The following KIF23 variants were observed in gnomAD, a reference collection of about 807,000 sequenced individuals.
KIF23 encodes the protein kinesin-like protein KIF23.
KIF23 carries 30 observed loss-of-function variants against 137.5 expected under a neutral mutation model. The ratio of observed to expected loss-of-function variants is 0.22; its 90% CI spans 0.16 to 0.30. KIF23 has a LOEUF of 0.30. Among genes scored for constraint, KIF23 ranks in the 10% least tolerant of loss-of-function variants. The pLI is 1.00. For synonymous variants in KIF23, 367 were observed against 391.1 expected (o/e 0.94, Z 0.73); for missense variants, 920 against 1,194.3 (o/e 0.77, Z 3.38).
In KIF23 at chr15:69,427,716, A is replaced by G. The variant is rs556325066; in HGVS notation, c.1011+1259A>G. ...ATTTGAGTCTGAGTATACATAATCTAATAACTGTAATCCATTAAAGTGTAA... is the reference window on the plus strand; with the variant it reads ...ATTTGAGTCTGAGTATACATAATCTGATAACTGTAATCCATTAAAGTGTAA... On this transcript the variant is annotated intron_variant, in intron 10 of 23. Transcript: ENST00000679126. 2.3e-4 allele frequency among the ~76,000 whole-genome samples: 35 copies of G among 152,330 alleles called. 1 individual carries two copies. Among genetic ancestry groups the G allele is most frequent in the African/African-American group, 7.2e-4 (30 of 41,566 alleles).
At chr15:69,427,413 G>A (rs576519910) in intron 10 of KIF23, 6 of 455,990 alleles carry the variant, frequency 1.3e-5, no homozygotes, top group African/African-American at 4.0e-5. Flanking sequence ...GAATTTTGCT[G>A]TGAAAAAAGT....
At chr15:69,441,752 C>T (rs2057626142) in intron 19 of KIF23, among the ~76,000 whole-genome samples, 1 of 151,732 alleles carries the variant, frequency 6.6e-6, no homozygotes, top group Non-Finnish European at 1.5e-5. Context: ...TGCAGTTGTC[C>T]CAAAATTGGA....
In KIF23 at chr15:69,416,022, G is replaced by A. The variant is rs536210797; in HGVS notation, c.40G>A (p.Val14Met). The change falls in exon 2 of 24, where the codon GTG (valine) becomes ATG (methionine). Residue 14 changes from valine (V) to methionine (M), a missense_variant. Val to Met is a conservative substitution (Grantham distance 21). Transcript: ENST00000679126. ...ARAKTPRKPT[V>M]KKGSQTNLKD... is the part of the protein sequence containing the mutation. Reference sequence around the variant, plus strand: ...AGCTAAGACACCCCGGAAACCTACCGTGAAAAAAGGGTCCCAAACGAACCT... The same window carrying A: ...AGCTAAGACACCCCGGAAACCTACCATGAAAAAAGGGTCCCAAACGAACCT... The A allele has an allele frequency of 1.3e-6, 2 of 1,577,936 alleles. No homozygotes were observed. The highest frequency in any genetic ancestry group is 1.7e-6 in the Non-Finnish European group (2 of 1,169,502).
intron 19 of KIF23, among the ~76,000 whole-genome samples, chr15:69,442,372 A>G (rs1278064721): frequency 1.3e-5 from 2 of 152,228 alleles, no homozygotes; most frequent in Non-Finnish European, 2.9e-5. Flanking sequence ...ATCTGAATAA[A>G]TGGACCAAGT....
chr15:69,418,530 C>A (rs2056974707), intron 3 of KIF23, among the ~76,000 whole-genome samples: 1 of 152,142 alleles, frequency 6.6e-6, no homozygotes, highest in African/African-American at 2.4e-5. Context: ...CTTTTACTTG[C>A]CTCTCCTTAT....
Position 69,414,447 on chromosome 15 carries a change from C to A in KIF23, c.-19C>A. On this transcript the variant is annotated 5_prime_UTR_variant, in exon 1 of 24. Coordinates refer to ENST00000679126, the MANE Select transcript of KIF23 (RefSeq NM_001367805.3). ...CAGCCGTCCCGCATGCGCGTTTGGG[C>A]GGCGTGGAGCCTGCTGCCATGAAGT... 6.3e-7 allele frequency: 1 copy of A among 1,584,848 alleles called. No homozygotes were observed. Among genetic ancestry groups the A allele is most frequent in the Non-Finnish European group, 8.6e-7 (1 of 1,165,962 alleles).
In KIF23 at chr15:69,446,311, G is replaced by T; in HGVS notation, c.2785G>T (p.Ala929Ser). Residue 929 changes from alanine to serine, a missense_variant, in exon 22 of 24, where the codon GCA becomes TCA. Physicochemically the swap from Ala to Ser is moderately conservative, Grantham distance 99. Transcript: ENST00000679126. ...TCGAAAACGAAGATCTTCCACAGTA[G>T]CACCTGCCCAACCAGATGGTGCAGA... The part of the protein sequence containing the change: ...GSRKRRSSTV[A>S]PAQPDGAESE... 1 of 1,614,076 alleles carries T rather than the reference G, an allele frequency of 6.2e-7. No homozygotes were observed. Among genetic ancestry groups the T allele is most frequent in the South Asian group, 1.1e-5 (1 of 91,078 alleles).
chr15:69,446,691 CACA>C (rs1207159740), intron 22 of KIF23, 177 bp from the exon 23 acceptor site: 1 of 669,092 alleles, frequency 1.5e-6, no homozygotes, highest in Non-Finnish European at 2.7e-6. Flanking sequence ...CTTTCTGGCT[CACA>C]ACATTTGTGG....
rs751654684 is a variant in KIF23, at chr15:69,436,693, A to G, written c.1568A>G (p.Gln523Arg). The change falls in exon 15 of 24, where the codon CAA becomes CGA. Residue 523 changes from glutamine to arginine, a missense_variant. This residue lies in a region of KIF23 where 714 missense variants were observed against 866.2 expected (regional missense o/e 0.82). Coordinates refer to ENST00000679126, the MANE Select transcript of KIF23 (RefSeq NM_001367805.3). The stretch of plus-strand genomic sequence containing the variant: ...TTAGAGAAACGACATAACTTACGAC[A>G]AATGATGATTGATGAGTTTAACAAA... ...EALEKRHNLR[Q>R]MMIDEFNKQS... 6.3e-7 allele frequency: 1 copy of G among 1,599,296 alleles called. No homozygotes were observed. Among genetic ancestry groups the G allele is most frequent in the Non-Finnish European group, 8.5e-7 (1 of 1,171,016 alleles).
intron 11 of KIF23, chr15:69,435,022 C>T: frequency 1.7e-6 from 1 of 590,220 alleles, no homozygotes; most frequent in Non-Finnish European, 3.0e-6. Flanking sequence ...ACCGCGTTGG[C>T]ATCTCCCTGG....
Position 69,440,500 on chromosome 15 carries a change from T to C in KIF23, c.2109+13T>C. 1 of 1,595,748 alleles carries C rather than the reference T, an allele frequency of 6.3e-7. No homozygotes were observed. Among genetic ancestry groups the C allele is most frequent in the Non-Finnish European group, 8.5e-7 (1 of 1,172,188 alleles). On this transcript the variant is annotated intron_variant, in intron 18 of 23. Coordinates refer to ENST00000679126, the MANE Select transcript of KIF23 (RefSeq NM_001367805.3). ...ATCACCTGTGCCTGTAAGTTATTTGTAATTGTGTAGTAACTTTGTACTAGA... is the reference window on the plus strand; with the variant it reads ...ATCACCTGTGCCTGTAAGTTATTTGCAATTGTGTAGTAACTTTGTACTAGA...
In KIF23 at chr15:69,438,401, A is replaced by C; in HGVS notation, c.1751A>C (p.Tyr584Ser). Residue 584 changes from tyrosine to serine, a missense_variant, in exon 16 of 24, where the codon TAT becomes TCT. Tyr to Ser is a moderately radical substitution (Grantham distance 144, BLOSUM62 -2). Around this residue, in one of 4 missense-constraint regions of KIF23, gnomAD observed 714 missense variants for 866.2 expected, o/e 0.82. Coordinates refer to ENST00000679126, the MANE Select transcript of KIF23 (RefSeq NM_001367805.3). ...GAAAAGAAAAACAAAACTTTAGAAT[A>C]TAAGGTTTGTTTTGACATTATTATG... ...RLEKKNKTLE[Y>S]KIEILEKTTT... The C allele has an allele frequency of 3.7e-6, 6 of 1,603,892 alleles. No homozygotes were observed. The highest frequency in any genetic ancestry group is 5.1e-6 in the Non-Finnish European group (6 of 1,177,316).
Position 69,431,608 on chromosome 15 carries a change from C to T in KIF23, c.1114+2395C>T, listed in dbSNP as rs536773190. ...CAGCCTGGGCGACAGAGCGAGACTCCGTCTCAAAAAAAAAAAAAAGAAATG... is the reference window on the plus strand; with the variant it reads ...CAGCCTGGGCGACAGAGCGAGACTCTGTCTCAAAAAAAAAAAAAAGAAATG... On this transcript the variant is annotated intron_variant, in intron 11 of 23. Coordinates refer to ENST00000679126, the MANE Select transcript of KIF23 (RefSeq NM_001367805.3). Among the ~76,000 whole-genome samples, 602 of 84,182 alleles carry T rather than the reference C, an allele frequency of 7.2e-3. 2 individuals are homozygous for T. The highest frequency in any genetic ancestry group is 0.018 in the African/African-American group (571 of 32,596). The allele number at this position is 84,182 out of a possible 152,430, so 55.2% of individuals were successfully genotyped here.
At chr15:69,427,036 C>CT (rs1380843604) in intron 10 of KIF23, among the ~76,000 whole-genome samples, 1 of 151,762 alleles carries the variant, frequency 6.6e-6, no homozygotes, top group East Asian at 1.9e-4. Flanking sequence ...AATCCCAGTG[C>CT]TTTGGGAGGC....
At chr15:69,431,621 A>T (rs2057358199) in intron 11 of KIF23, among the ~76,000 whole-genome samples, 1 of 152,200 alleles carries the variant, frequency 6.6e-6, no homozygotes, top group Non-Finnish European at 1.5e-5. Flanking sequence ...CTCAAAAAAA[A>T]AAAAAAGAAA....
intron 11 of KIF23, among the ~76,000 whole-genome samples, chr15:69,433,017 C>T (rs1315213705): frequency 6.6e-6 from 1 of 152,070 alleles, no homozygotes; most frequent in Admixed American, 6.5e-5. Context: ...ATCATGTTCC[C>T]CCGGACAATA....
intron 19 of KIF23, among the ~76,000 whole-genome samples, chr15:69,443,248 G>T (rs1218935881): frequency 2.0e-5 from 3 of 151,258 alleles, no homozygotes; most frequent in Admixed American, 6.6e-5. Flanking sequence ...TTGAAATTGA[G>T]GTCTTCATAC....
Position 69,445,962 on chromosome 15 carries a change from G to A in KIF23, c.2674-47G>A, listed in dbSNP as rs141061948. ...TTTGAAATATATATGTGTGTTTTTC[G>A]TTTGGGTGTATCAATGTGTAACAGT... On this transcript the variant is annotated intron_variant, in intron 20 of 23. Transcript: ENST00000679126. 1.4e-3 allele frequency: 1,783 copies of A among 1,301,940 alleles called. 3 individuals are homozygous for A. The highest frequency in any genetic ancestry group is 1.8e-3 in the Non-Finnish European group (1,662 of 907,472). The allele number at this position is 1,301,940 out of a possible 1,614,324, so 80.6% of individuals were successfully genotyped here.
intron 11 of KIF23, among the ~76,000 whole-genome samples, chr15:69,430,266 G>A (rs11631840): frequency 0.96 from 146,831 of 152,298 alleles, 71,018 homozygotes; most frequent in East Asian, 1. Flanking sequence ...ATAGTTGTAC[G>A]TACTTTTTGG....
Sources: gnomAD v4.1 joint callset for allele counts (sites outside exome capture counted in the v4.1 genomes callset) on GRCh38, gnomAD v4.1.1 for gene constraint, gnomAD v4.1.1 regional missense constraint, MANE v1.5 for transcripts, NCBI Gene and HGNC (gene_info 2026-07-23, HGNC 2026-07-21) for gene names.